The following TMTC2 variants were observed in gnomAD, a reference collection of about 807,000 sequenced individuals.
The protein encoded by TMTC2 is transmembrane O-mannosyltransferase targeting cadherins 2.
A neutral mutation model predicts 82.4 loss-of-function variants in TMTC2; 43 were observed. The observed-to-expected ratio is 0.52, with a 90% CI of 0.41 to 0.67. The LOEUF (loss-of-function observed/expected upper bound fraction) is 0.67. TMTC2 is among the 30% of genes least tolerant of loss of function. The pLI is 0.00. For synonymous variants in TMTC2, 408 were observed against 381.9 expected (o/e 1.07, Z -0.80); for missense variants, 919 against 1,012.4 (o/e 0.91, Z 1.25).
chr12:82,925,078 C>G (rs1565812467), intron 3 of TMTC2, among the ~76,000 whole-genome samples: 1 of 152,158 alleles, frequency 6.6e-6, no homozygotes, highest in East Asian at 1.9e-4. Flanking sequence ...GTGGCATCAG[C>G]AGTCCTTGCC....
At chr12:83,046,623 A>G (rs1882146904) in intron 9 of TMTC2, among the ~76,000 whole-genome samples, 1 of 152,122 alleles carries the variant, frequency 6.6e-6, no homozygotes, top group African/African-American at 2.4e-5. Flanking sequence ...CCTGAGCCTC[A>G]TTAGCTGTTC....
At chr12:82,782,719 G>T (rs1877967061) in intron 1 of TMTC2, among the ~76,000 whole-genome samples, 1 of 152,132 alleles carries the variant, frequency 6.6e-6, no homozygotes, top group African/African-American at 2.4e-5. Context: ...CTGTCCTATG[G>T]ACATTGATAT....
chr12:83,018,134 G>A (rs1880761426), intron 8 of TMTC2, among the ~76,000 whole-genome samples: 1 of 150,898 alleles, frequency 6.6e-6, no homozygotes. Flanking sequence ...AGCAGCAAGT[G>A]GCACCCTGCC....
intron 1 of TMTC2, among the ~76,000 whole-genome samples, chr12:82,694,329 G>A (rs1872699682): frequency 6.6e-6 from 1 of 152,084 alleles, no homozygotes; most frequent in African/African-American, 2.4e-5. Flanking sequence ...GGTGAGAATT[G>A]AAAATATGAA....
chr12:82,837,008 A>G (rs1870080647), intron 1 of TMTC2, among the ~76,000 whole-genome samples: 1 of 152,198 alleles, frequency 6.6e-6, no homozygotes, highest in South Asian at 2.1e-4. Flanking sequence ...TCTAATTAGT[A>G]AAGTATGTAT....
At chr12:82,770,396 G>A (rs927893604) in intron 1 of TMTC2, among the ~76,000 whole-genome samples, 6 of 152,022 alleles carry the variant, frequency 3.9e-5, no homozygotes, top group African/African-American at 1.5e-4. Context: ...TAGAAGAACT[G>A]AGCACTCTAT....
intron 4 of TMTC2, among the ~76,000 whole-genome samples, chr12:82,931,909 G>C (rs1876052694): frequency 6.6e-6 from 1 of 152,022 alleles, no homozygotes; most frequent in South Asian, 2.1e-4. Context: ...TGATGTGGGA[G>C]GGGCAACGAG....
intron 8 of TMTC2, among the ~76,000 whole-genome samples, chr12:83,021,171 G>A (rs1439559871): frequency 6.6e-6 from 1 of 151,992 alleles, no homozygotes; most frequent in East Asian, 1.9e-4. Context: ...TGGCATTCTT[G>A]CAAGTCTTTT....
intron 3 of TMTC2, among the ~76,000 whole-genome samples, chr12:82,916,034 G>GA (rs1398741890): frequency 1.3e-5 from 2 of 152,158 alleles, no homozygotes; most frequent in Non-Finnish European, 2.9e-5. Context: ...TATTTATGGA[G>GA]AAAAAATTTA....
intron 1 of TMTC2, among the ~76,000 whole-genome samples, chr12:82,803,180 T>C (rs891309130): frequency 2.0e-5 from 3 of 152,114 alleles, no homozygotes; most frequent in Non-Finnish European, 4.4e-5. Flanking sequence ...TGTATCCAGA[T>C]GAATGCCTCA....
intron 3 of TMTC2, 78 bp downstream of exon 3, chr12:82,896,724 C>A: frequency 8.3e-7 from 1 of 1,202,100 alleles, no homozygotes; most frequent in Non-Finnish European, 1.2e-6. Context: ...TGTCTTAAAA[C>A]ACAGTATTAA....
intron 11 of TMTC2, among the ~76,000 whole-genome samples, chr12:83,092,950 A>G (rs1224852147): frequency 1.3e-5 from 2 of 152,252 alleles, no homozygotes; most frequent in Admixed American, 1.3e-4. Flanking sequence ...TAAAGTAGCC[A>G]CATGTTTGAA....
Position 82,899,892 on chromosome 12 carries a change from A to G in TMTC2, c.1483+3246A>G, listed in dbSNP as rs554272722. Among the ~76,000 whole-genome samples, 105 of 142,256 alleles carry G rather than the reference A, an allele frequency of 7.4e-4. 2 individuals are homozygous for G. In the South Asian group the frequency reaches 0.017, roughly 24 times the overall value. The allele number at this position is 142,256 out of a possible 152,430, so 93.3% of individuals were successfully genotyped here. A position where few individuals can be genotyped will look rare whatever the true frequency, so the allele number is the denominator to read the frequency against. On this transcript the variant is annotated intron_variant, in intron 3 of 11. Transcript: ENST00000321196. ...ATATATACATATCCGGAATATAGAT[A>G]TGTAGGAATGTATATACATATCCGG...
chr12:82,799,669 A>G (rs551668234), intron 1 of TMTC2, among the ~76,000 whole-genome samples: 1 of 152,066 alleles, frequency 6.6e-6, no homozygotes, highest in Non-Finnish European at 1.5e-5. Flanking sequence ...TCCTTGCCTT[A>G]TACTCCAATC....
rs116498964 is a variant in TMTC2 at position 83,094,633 on chromosome 12, A to G, written c.2331+32802A>G. Reference sequence around the variant, plus strand: ...AGTATTCCAGGTGAAAAAAGACTTGAACTAGGGCAGTAGTAAGTACAGGAG... The same window carrying G: ...AGTATTCCAGGTGAAAAAAGACTTGGACTAGGGCAGTAGTAAGTACAGGAG... On this transcript the variant is annotated intron_variant, in intron 11 of 11. Coordinates refer to ENST00000321196, the MANE Select transcript of TMTC2 (RefSeq NM_152588.3). 3.6e-3 allele frequency among the ~76,000 whole-genome samples: 555 copies of G among 152,326 alleles called. 5 individuals are homozygous for G. The highest frequency in any genetic ancestry group is 0.013 in the African/African-American group (532 of 41,572).
intron 1 of TMTC2, among the ~76,000 whole-genome samples, chr12:82,717,758 G>A (rs1873966986): frequency 6.6e-6 from 1 of 152,018 alleles, no homozygotes; most frequent in African/African-American, 2.4e-5. Flanking sequence ...AATTTTACTA[G>A]GTTTGAAATT....
chr12:82,821,730 C>T (rs868682673), intron 1 of TMTC2, among the ~76,000 whole-genome samples: 150 of 151,856 alleles, frequency 9.9e-4, no homozygotes, highest in African/African-American at 3.4e-3. Context: ...AAAAATTAGC[C>T]GGGCACGGTA....
intron 1 of TMTC2, among the ~76,000 whole-genome samples, chr12:82,743,003 GCTGT>G (rs144688373): frequency 0.081 from 12,354 of 152,140 alleles, 501 homozygotes; most frequent in South Asian, 0.11. Flanking sequence ...TATCTTATTT[GCTGT>G]CTTTGTTAGG....
At chr12:83,118,715 T>C (rs1884851158) in intron 11 of TMTC2, among the ~76,000 whole-genome samples, 1 of 152,156 alleles carries the variant, frequency 6.6e-6, no homozygotes, top group South Asian at 2.1e-4. Flanking sequence ...TCGCTCTTTC[T>C]CTATCTAGTG....
Sources: allele counts gnomAD v4.1 joint callset (sites outside exome capture counted in the v4.1 genomes callset), GRCh38; gene constraint gnomAD v4.1.1; transcripts MANE v1.5; gene names NCBI Gene and HGNC (gene_info 2026-07-23, HGNC 2026-07-21).